CA5A: variants seen among roughly 807,000 people sequenced by gnomAD.
CA5A encodes the protein carbonic anhydrase 5A, also known as carbonic anhydrase 5A, mitochondrial.
A neutral mutation model predicts 37.1 loss-of-function variants in CA5A; 28 were observed. The observed-to-expected ratio is 0.75, with a 90% CI of 0.56 to 1.03. CA5A has a LOEUF of 1.03. Among genes scored for constraint, CA5A ranks in the 50% least tolerant of loss-of-function variants. The pLI is 0.00. For missense variants in CA5A, 444 were observed against 399.9 expected (o/e 1.11, Z -0.94); for synonymous variants, 171 against 158.4 (o/e 1.08, Z -0.60).
intron 2 of CA5A, chr16:87,923,453 G>T: frequency 2.7e-6 from 2 of 741,668 alleles, no homozygotes; most frequent in Non-Finnish European, 3.3e-6. Flanking sequence ...TTCCCAAAGT[G>T]CTGGGATTAT....
At chr16:87,903,388 G>A (rs183698121) in intron 3 of CA5A, among the ~76,000 whole-genome samples, 1 of 152,156 alleles carries the variant, frequency 6.6e-6, no homozygotes, top group South Asian at 2.1e-4. Context: ...CCAAGATCGT[G>A]AGATAGCGCC....
chr16:87,884,836 G>T (rs949085206), downstream of CA5A: 1 of 152,134 alleles, frequency 6.6e-6, no homozygotes, highest in African/African-American at 2.4e-5. Context: ...GCACCTATTG[G>T]CTTGTGTAAC....
At chr16:87,899,069 G>A (rs112093019) in intron 5 of CA5A, among the ~76,000 whole-genome samples, 3,703 of 152,088 alleles carry the variant, frequency 0.024, 146 homozygotes, top group African/African-American at 0.085. Context: ...TTTCACAGGC[G>A]AGGAAGCTGA....
At chr16:87,908,498 A>G (rs1457409614) in intron 2 of CA5A, among the ~76,000 whole-genome samples, 3 of 152,170 alleles carry the variant, frequency 2.0e-5, no homozygotes, top group African/African-American at 7.2e-5. Context: ...AGGCACATAA[A>G]TAGGGTTCCA....
intron 4 of CA5A, chr16:87,882,008 G>A (rs2055611802): frequency 1.3e-5 from 2 of 152,362 alleles, no homozygotes; most frequent in East Asian, 1.9e-4. Flanking sequence ...TGGACACGAT[G>A]TCAACATGGG....
chr16:87,917,716 AACACGTGC>A (rs2056170460), intron 2 of CA5A, among the ~76,000 whole-genome samples: 1 of 64,754 alleles, frequency 1.5e-5, no homozygotes, highest in Non-Finnish European at 4.8e-5. Context: ...CACACACATG[AACACGTGC>A]ACACACACAT....
chr16:87,927,044 C>A, intron 1 of CA5A, 99 bp from the exon 2 acceptor site: 1 of 847,630 alleles, frequency 1.2e-6, no homozygotes, highest in Admixed American at 2.4e-5. Flanking sequence ...CCCCTCACGT[C>A]CTGGCTCATG....
chr16:87,933,894 G>A (rs796627136), intron 1 of CA5A, among the ~76,000 whole-genome samples: 1 of 152,106 alleles, frequency 6.6e-6, no homozygotes, highest in South Asian at 2.1e-4. Flanking sequence ...GCTCTTTGTG[G>A]AACTCTGAAA....
chr16:87,928,751 CTTTTCTTTGTTTTTTTTTTTTTTTTTT>C (rs2056351616), intron 1 of CA5A, among the ~76,000 whole-genome samples: 1 of 107,270 alleles, frequency 9.3e-6, no homozygotes, highest in South Asian at 3.0e-4. Context: ...GGATTATTTT[CTTTTCTTTGTTTTTTTTTTTTTTTTTT>C]TTTTTTTTGA....
At chr16:87,881,910 A>C (rs1233014281) in exon 5 of CA5A, 1 of 152,160 alleles carries the variant, frequency 6.6e-6, no homozygotes, top group Non-Finnish European at 1.5e-5. Flanking sequence ...TTTTCAGGAG[A>C]CAAAGATGTT....
chr16:87,902,293 G>A (rs2055889765), intron 4 of CA5A, 132 bp downstream of exon 4: 6 of 649,328 alleles, frequency 9.2e-6, no homozygotes, highest in South Asian at 1.9e-5. Flanking sequence ...GGTGCAGGTT[G>A]CAATGAGCCG....
chr16:87,904,892 C>T lies in CA5A; in HGVS notation c.353G>A (p.Gly118Glu). ...CAGTCTGTAGTGGTTTTCCAAGGGC[C>T]CACCACTAATTCCTGGAAATAAAGG... ...DATEASGISG[G>E]PLENHYRLKQ... The change falls in exon 3 of 7, where the codon GGG becomes GAG. Residue 118 changes from glycine (G) to glutamate (E), a missense_variant. Transcript: ENST00000649794. 1 of 1,609,054 alleles carries T rather than the reference C, an allele frequency of 6.2e-7. No homozygotes were observed. Among genetic ancestry groups the T allele is most frequent in the Non-Finnish European group, 8.5e-7 (1 of 1,175,428 alleles).
At chr16:87,901,414 C>G (rs1479009020) in intron 5 of CA5A, among the ~76,000 whole-genome samples, 1 of 152,162 alleles carries the variant, frequency 6.6e-6, no homozygotes, top group African/African-American at 2.4e-5. Flanking sequence ...CATTCGAAGT[C>G]AGAGAGACCT....
chr16:87,918,103 T>G (rs1028678966), intron 2 of CA5A, among the ~76,000 whole-genome samples: 2 of 152,218 alleles, frequency 1.3e-5, no homozygotes, highest in African/African-American at 2.4e-5. Flanking sequence ...AGCCTCCTCC[T>G]CTGATGCGGA....
intron 2 of CA5A, among the ~76,000 whole-genome samples, chr16:87,912,042 C>G (rs1453401177): frequency 1.3e-5 from 2 of 152,142 alleles, no homozygotes; most frequent in African/African-American, 4.8e-5. Context: ...TGGCTCATAC[C>G]TGTAATCCCA....
At chr16:87,897,971 C>G (rs938972617) in intron 5 of CA5A, among the ~76,000 whole-genome samples, 1 of 152,132 alleles carries the variant, frequency 6.6e-6, no homozygotes, top group Non-Finnish European at 1.5e-5. Context: ...AACAGGATGC[C>G]GCAGGAGCAG....
intron 1 of CA5A, among the ~76,000 whole-genome samples, chr16:87,931,618 C>G (rs377599268): frequency 6.6e-6 from 1 of 152,174 alleles, no homozygotes; most frequent in Non-Finnish European, 1.5e-5. Context: ...AGCTCGCTGG[C>G]GCTGGGGAAG....
intron 2 of CA5A, among the ~76,000 whole-genome samples, chr16:87,920,825 C>A (rs1210258099): frequency 6.6e-6 from 1 of 151,866 alleles, no homozygotes. Flanking sequence ...CCAGGTTTCA[C>A]TCTTGTCACC....
rs2055837853 is a variant in CA5A at position 87,898,813 on chromosome 16, C to A, written c.618+3099G>T. On this transcript the variant is annotated intron_variant, in intron 5 of 6. Transcript: ENST00000649794. Reference sequence around the variant, plus strand: ...GCAGTGGCACGATCTCGGCTCACTGCAACCTCCGTCTCCTGGGTTCAAGCG... The same window carrying A: ...GCAGTGGCACGATCTCGGCTCACTGAAACCTCCGTCTCCTGGGTTCAAGCG... Among the ~76,000 whole-genome samples, 3 of 150,298 alleles carry A rather than the reference C, an allele frequency of 2.0e-5. No individual in the cohort carries two copies. The South Asian group carries it at 6.3e-4, about 32-fold the overall frequency.
Sources: allele counts gnomAD v4.1 joint callset (sites outside exome capture counted in the v4.1 genomes callset), GRCh38; gene constraint gnomAD v4.1.1; transcripts MANE v1.5; gene names NCBI Gene and HGNC (gene_info 2026-07-23, HGNC 2026-07-21).